POF1B: variants seen among roughly 807,000 people sequenced by gnomAD.
POF1B encodes the protein protein POF1B.
Under a neutral mutation model 55.3 loss-of-function variants are expected in POF1B, and 53 were observed. That is an observed-to-expected ratio of 0.96 (90% CI 0.77 to 1.20). The LOEUF (loss-of-function observed/expected upper bound fraction) is 1.20, where lower values mean the gene tolerates loss of function less well. Ranked by LOEUF, POF1B falls within the 50% of genes most tolerant of loss-of-function variation. The pLI, the probability that POF1B is intolerant of heterozygous loss-of-function variation, is 0.00. For synonymous variants in POF1B, 188 were observed against 148.3 expected, an observed-to-expected ratio of 1.27 and a Z score of -1.95; for missense variants, 478 against 420.5, an observed-to-expected ratio of 1.14 and a Z score of -1.20.
At chrX:85,364,670 C>T (rs760355571) in intron 3 of POF1B, among the ~76,000 whole-genome samples, 42 of 111,272 alleles carry the variant, frequency 3.8e-4, no homozygotes, top group Non-Finnish European at 6.0e-4. Flanking sequence ...TTCTCTCTAG[C>T]TGCTGTCAAC....
intron 5 of POF1B, among the ~76,000 whole-genome samples, chrX:85,347,420 A>T (rs1416707912): frequency 1.8e-5 from 2 of 111,262 alleles, no homozygotes; most frequent in Admixed American, 9.6e-5. Context: ...CTGCTGTAAC[A>T]TGTTTTAAAA....
intron 7 of POF1B, among the ~76,000 whole-genome samples, chrX:85,325,709 C>T (rs1932889750): frequency 8.9e-6 from 1 of 111,876 alleles, no homozygotes; most frequent in African/African-American, 3.3e-5. Flanking sequence ...GGAACCATTG[C>T]TGGGGCACTA....
intron 6 of POF1B, among the ~76,000 whole-genome samples, chrX:85,335,582 A>T (rs1933056335): frequency 9.0e-6 from 1 of 111,416 alleles, no homozygotes; most frequent in Non-Finnish European, 1.9e-5. Flanking sequence ...CAAGAGAAAA[A>T]GTAAAAGAAT....
intron 15 of POF1B, 56 bp from the exon 16 acceptor site, chrX:85,282,373 C>T: frequency 1.2e-6 from 1 of 856,274 alleles, no homozygotes; most frequent in Non-Finnish European, 1.6e-6. Flanking sequence ...ACTTTCATTC[C>T]TTTTTAGTCA....
At chrX:85,292,909 C>A (rs1271219753) in intron 15 of POF1B, among the ~76,000 whole-genome samples, 1 of 110,994 alleles carries the variant, frequency 9.0e-6, no homozygotes, top group Non-Finnish European at 1.9e-5. Context: ...TATATGTGGC[C>A]AATAAGCATA....
At chrX:85,368,829 C>T (rs1158438920) in intron 2 of POF1B, among the ~76,000 whole-genome samples, 1 of 111,697 alleles carries the variant, frequency 9.0e-6, no homozygotes, top group Non-Finnish European at 1.9e-5. Flanking sequence ...GATGGCGTTA[C>T]TCAATCTCCC....
intron 7 of POF1B, among the ~76,000 whole-genome samples, chrX:85,328,168 T>TTTTA (rs200508166): frequency 0.064 from 6,471 of 100,458 alleles, 245 homozygotes; most frequent in Middle Eastern, 0.082. Context: ...ACAATATCTT[T>TTTTA]TTTATTTATT....
rs1056490464 is a variant in POF1B at position 85,332,383 on chromosome X, A to T, written c.724-1304T>A. ...TACTATGAACAGTGTCCTAAATAAG[A>T]CACATTCTGTTGGCTTCCTATTCTT... On this transcript the variant is annotated intron_variant, in intron 6 of 16. Transcript: ENST00000262753. 2.7e-5 allele frequency among the ~76,000 whole-genome samples: 3 copies of T among 111,105 alleles called. No homozygotes were observed. The Admixed American group carries it at 2.9e-4, about 11-fold the overall frequency.
chrX:85,288,469 C>A (rs1286948727), intron 15 of POF1B, among the ~76,000 whole-genome samples: 1 of 111,548 alleles, frequency 9.0e-6, no homozygotes. Context: ...ACTGACAGAA[C>A]AGAGATTGTC....
At chrX:85,338,998 A>C (rs999493003) in intron 6 of POF1B, among the ~76,000 whole-genome samples, 3 of 107,685 alleles carry the variant, frequency 2.8e-5, no homozygotes, top group African/African-American at 3.6e-5. Flanking sequence ...TCAAGATTTT[A>C]TATCATGTTG....
At chrX:85,353,078 T>A (rs1402550005) in intron 4 of POF1B, among the ~76,000 whole-genome samples, 1 of 111,105 alleles carries the variant, frequency 9.0e-6, no homozygotes, top group African/African-American at 3.3e-5. Context: ...AAAGAACTTA[T>A]GGGATGGAGT....
intron 15 of POF1B, among the ~76,000 whole-genome samples, chrX:85,285,282 C>T (rs970296009): frequency 9.0e-6 from 1 of 111,001 alleles, no homozygotes; most frequent in South Asian, 3.8e-4. Flanking sequence ...ACCATTTGAC[C>T]CAGCCATCCC....
intron 14 of POF1B, 71 bp from the exon 15 acceptor site, chrX:85,303,559 T>C (rs749318046): frequency 2.8e-6 from 2 of 725,415 alleles, no homozygotes; most frequent in Admixed American, 3.0e-5. Context: ...TATTTAATCA[T>C]TTAGAAGGGT....
At chrX:85,368,100 A>C (rs1569299459) in intron 2 of POF1B, among the ~76,000 whole-genome samples, 1 of 111,789 alleles carries the variant, frequency 8.9e-6, no homozygotes, top group Non-Finnish European at 1.9e-5. Context: ...AATATTTTAC[A>C]AACAAAACTT....
Position 85,312,707 on chromosome X carries a change from T to C in POF1B, c.957+1725A>G, listed in dbSNP as rs182131314. Among the ~76,000 whole-genome samples, 579 of 111,728 alleles carry C rather than the reference T, an allele frequency of 5.2e-3. 3 individuals carry two copies. Among genetic ancestry groups the C allele is most frequent in the African/African-American group, 0.017 (535 of 30,734 alleles). ...ATTTAAAGTATTTTTTCTAATTCTG[T>C]GAAGAAAGTCAATGGTAGCTTGATG... On this transcript the variant is annotated intron_variant, in intron 9 of 16. Coordinates refer to ENST00000262753, the MANE Select transcript of POF1B (RefSeq NM_024921.4).
intron 15 of POF1B, among the ~76,000 whole-genome samples, chrX:85,288,783 T>A (rs1686308544): frequency 9.0e-6 from 1 of 111,161 alleles, no homozygotes; most frequent in African/African-American, 3.3e-5. Context: ...AAGAAGTGCC[T>A]TTCACCTCCC....
At chrX:85,341,332 A>C (rs980815934) in intron 6 of POF1B, among the ~76,000 whole-genome samples, 1 of 111,107 alleles carries the variant, frequency 9.0e-6, no homozygotes, top group African/African-American at 3.3e-5. Context: ...GGGTAGGGAC[A>C]GGGAATTGCT....
intron 4 of POF1B, among the ~76,000 whole-genome samples, chrX:85,357,422 T>A (rs1933523284): frequency 9.0e-6 from 1 of 111,140 alleles, no homozygotes; most frequent in South Asian, 3.8e-4. Context: ...CTTTGACCAA[T>A]ACCCTTCCAG....
chrX:85,279,053 C>A lies in POF1B; in HGVS notation c.*368G>T, dbSNP rs6617041. ...CACATATAATATCAGAGAAAATCTT[C>A]TAATGGCATGACTTGTAAAATCTCT... is the stretch of plus-strand genomic sequence containing the variant. On this transcript the variant is annotated 3_prime_UTR_variant, in exon 17 of 17. Transcript: ENST00000262753. 8,936 of 144,794 alleles carry A rather than the reference C, an allele frequency of 0.062. 629 individuals carry two copies. The highest frequency in any genetic ancestry group is 0.35 in the East Asian group (2,124 of 6,097). The allele number at this position is 144,794 out of a possible 1,213,427, so 11.9% of individuals were successfully genotyped here.
Sources: gnomAD v4.1 joint callset for allele counts (sites outside exome capture counted in the v4.1 genomes callset) on GRCh38, gnomAD v4.1.1 for gene constraint, MANE v1.5 for transcripts, NCBI Gene and HGNC (gene_info 2026-07-23, HGNC 2026-07-21) for gene names.